SPATA7: variants seen among roughly 807,000 people sequenced by gnomAD.
SPATA7 encodes the protein spermatogenesis associated 7.
SPATA7 carries 43 observed loss-of-function variants against 51.8 expected under a neutral mutation model. The observed-to-expected ratio is 0.83, with a 90% CI of 0.65 to 1.07. SPATA7 has a LOEUF of 1.07. Among genes scored for constraint, SPATA7 ranks in the 50% least tolerant of loss-of-function variants. The pLI is 0.00. For missense variants in SPATA7, 683 were observed against 701.3 expected (o/e 0.97, Z 0.30); for synonymous variants, 230 against 252.8 (o/e 0.91, Z 0.86).
chr14:88,388,302 CT>C (rs976847003), intron 1 of SPATA7, among the ~76,000 whole-genome samples: 95 of 152,328 alleles, frequency 6.2e-4, no homozygotes, highest in African/African-American at 2.1e-3. Flanking sequence ...ACAAGAAACA[CT>C]TTCATCTTTC....
rs1432448296 is a variant in SPATA7 at position 88,452,335 on chromosome 14, A to T, written c.178-2725A>T. Among the ~76,000 whole-genome samples the T allele has an allele frequency of 2.0e-5, 3 of 152,258 alleles. No homozygotes were observed. The East Asian group carries it at 5.8e-4, about 29-fold the overall frequency. On this transcript the variant is annotated intron_variant, in intron 3 of 3. Transcript: ENST00000554802. Reference sequence around the variant, plus strand: ...CTCAAGTGGAGGTAGCAGGAGAGTGAAGTGGACCCTGTGAGGGTCCTTGGT... The same window carrying T: ...CTCAAGTGGAGGTAGCAGGAGAGTGTAGTGGACCCTGTGAGGGTCCTTGGT...
In SPATA7 at chr14:88,438,000, A is replaced by G. The variant is rs1300056117; in HGVS notation, c.1378A>G (p.Ile460Val). Residue 460 changes from isoleucine to valine, a missense_variant, in exon 12 of 12, where the codon ATT (isoleucine) becomes GTT (valine). By Grantham distance (29) the Ile-to-Val change is conservative. Transcript: ENST00000393545. Reference protein sequence around the residue: ...NELKNESEVTIQQERQQYQKA... With the variant: ...NELKNESEVTVQQERQQYQKA... The stretch of plus-strand genomic sequence containing the variant: ...ATTAAAAAATGAAAGTGAAGTAACA[A>G]TTCAGCAGGAACGTCAACAATACCA... 1 of 1,614,112 alleles carries G rather than the reference A, an allele frequency of 6.2e-7. No individual in the cohort carries two copies. The highest frequency in any genetic ancestry group is 1.7e-5 in the Admixed American group (1 of 59,988).
rs368739644 is a variant in SPATA7 at position 88,469,103 on chromosome 14, G to A, written c.255-744G>A. ...TGTGGAAAATCAATGAAATAGAAAA[G>A]TACTCAAGGATCAAGGCGTATCACA... On this transcript the variant is annotated intron_variant, in intron 4 of 4. Coordinates refer to the SPATA7 transcript ENST00000556406. This position sits in a 1 kb window ranked among gnomAD's most constrained non-coding sequence, Gnocchi z 4.3. 1.4e-5 allele frequency: 22 copies of A among 1,597,528 alleles called. No homozygotes were observed. In the African/African-American group the frequency reaches 2.4e-4, roughly 18 times the overall value.
At chr14:88,461,141 G>A (rs1444085283) in intron 4 of SPATA7, among the ~76,000 whole-genome samples, 1 of 152,230 alleles carries the variant, frequency 6.6e-6, no homozygotes, top group East Asian at 1.9e-4. Flanking sequence ...CTCCCAGTTA[G>A]GCTACTCGGG....
intron 4 of SPATA7, among the ~76,000 whole-genome samples, chr14:88,461,356 C>A (rs918111887): frequency 2.6e-5 from 4 of 152,222 alleles, no homozygotes; most frequent in African/African-American, 9.6e-5. Context: ...GTGGGCTCCA[C>A]CCAGTTCGAG....
chr14:88,429,128 T>C, intron 7 of SPATA7: 1 of 328,414 alleles, frequency 3.0e-6, no homozygotes, highest in South Asian at 4.5e-5. Context: ...GTCATTTAAA[T>C]GCCACTCATT....
At position 88,388,718 on chromosome 14, in the gene SPATA7, C is replaced by A. The variant is rs2075651904; in HGVS notation, c.20-2663C>A. On this transcript the variant is annotated intron_variant, in intron 1 of 11. Coordinates refer to ENST00000393545, the MANE Select transcript of SPATA7 (RefSeq NM_018418.5). Reference sequence around the variant, plus strand: ...ATCAGCCTGGGTAACATAGCAAGACCCTGTCTCTAGTATATAAAACAAATT... The same window carrying A: ...ATCAGCCTGGGTAACATAGCAAGACACTGTCTCTAGTATATAAAACAAATT... Among the ~76,000 whole-genome samples, 4 of 152,016 alleles carry A rather than the reference C, an allele frequency of 2.6e-5. 1 individual carries two copies. In the South Asian group the frequency reaches 8.3e-4, roughly 32 times the overall value.
At chr14:88,405,825 G>A (rs890174708) in intron 4 of SPATA7, among the ~76,000 whole-genome samples, 7 of 152,208 alleles carry the variant, frequency 4.6e-5, no homozygotes, top group African/African-American at 1.7e-4. Context: ...TCAGGATAGA[G>A]CTAAAAATGT....
intron 4 of SPATA7, chr14:88,416,396 T>C (rs1475296976): frequency 4.3e-6 from 1 of 230,706 alleles, no homozygotes; most frequent in Non-Finnish European, 8.3e-6. Flanking sequence ...GTTTGTCATA[T>C]CTTGTTGGCA....
intron 8 of SPATA7, 114 bp from the exon 9 acceptor site, chr14:88,431,058 G>T: frequency 1.0e-6 from 1 of 981,230 alleles, no homozygotes; most frequent in Non-Finnish European, 1.6e-6. Flanking sequence ...AACACTTCTG[G>T]TTCCAAACAT....
intron 4 of SPATA7, among the ~76,000 whole-genome samples, chr14:88,411,310 A>G (rs919342438): frequency 6.6e-6 from 1 of 152,154 alleles, no homozygotes; most frequent in Non-Finnish European, 1.5e-5. Context: ...GCTGGGTTCT[A>G]TGGGGTGGAA....
At chr14:88,426,851 A>G in intron 6 of SPATA7, 147 bp downstream of exon 6, 1 of 780,102 alleles carries the variant, frequency 1.3e-6, no homozygotes. Flanking sequence ...TTCCTTTTCC[A>G]TGTATCACTA....
At chr14:88,460,528 C>T (rs562974763) in intron 4 of SPATA7, among the ~76,000 whole-genome samples, 11 of 152,278 alleles carry the variant, frequency 7.2e-5, no homozygotes, top group Admixed American at 3.9e-4. Context: ...GCATTCATCA[C>T]GTAGTTCTCT....
At chr14:88,410,751 C>T (rs2076319648) in intron 4 of SPATA7, 1 of 159,784 alleles carries the variant, frequency 6.3e-6, no homozygotes, top group Admixed American at 6.5e-5. Context: ...AGATTGCTGC[C>T]TGTTTTTCCT....
downstream of SPATA7, among the ~76,000 whole-genome samples, chr14:88,442,629 G>A (rs2077185304): frequency 6.6e-6 from 1 of 152,102 alleles, no homozygotes; most frequent in Non-Finnish European, 1.5e-5. Flanking sequence ...CTGCAGCCCT[G>A]GTATGAAACC....
In SPATA7 at chr14:88,444,562, G is replaced by A. The variant is rs1299689930; in HGVS notation, c.177+6659G>A. Among the ~76,000 whole-genome samples the A allele has an allele frequency of 2.5e-3, 374 of 151,910 alleles. 1 individual carries two copies. The highest frequency in any genetic ancestry group is 5.4e-3 in the Admixed American group (82 of 15,268). ...TTTTAGACATGAAGTCCTTGCCCATGCCTATGTCCTGAATGGTAATGCCTA... is the reference window on the plus strand; with the variant it reads ...TTTTAGACATGAAGTCCTTGCCCATACCTATGTCCTGAATGGTAATGCCTA... On this transcript the variant is annotated intron_variant, in intron 3 of 3. Transcript: ENST00000554802.
At chr14:88,461,510 G>T (rs937600635) in intron 4 of SPATA7, among the ~76,000 whole-genome samples, 8 of 152,218 alleles carry the variant, frequency 5.3e-5, no homozygotes, top group African/African-American at 9.6e-5. Flanking sequence ...CTCCGAGCCA[G>T]GTGTGGGATA....
At chr14:88,386,291 G>A (rs1029825075) in intron 1 of SPATA7, among the ~76,000 whole-genome samples, 16 of 152,108 alleles carry the variant, frequency 1.1e-4, no homozygotes, top group Non-Finnish European at 2.1e-4. Context: ...ATAATATAGA[G>A]AAGATCCTGG....
chr14:88,438,436 A>G lies in SPATA7; in HGVS notation c.*14A>G. The G allele has an allele frequency of 6.4e-7, 1 of 1,559,184 alleles. No homozygotes were observed. Among genetic ancestry groups the G allele is most frequent in the Non-Finnish European group, 8.8e-7 (1 of 1,130,820 alleles). On this transcript the variant is annotated 3_prime_UTR_variant, in exon 12 of 12. Coordinates refer to ENST00000393545, the MANE Select transcript of SPATA7 (RefSeq NM_018418.5). The stretch of plus-strand genomic sequence containing the variant: ...TTGGATGTTTAATCTTCATTAATAA[A>G]TACCTCAAATGGCCAGTAACTCAAT...
Sources: allele counts gnomAD v4.1 joint callset (sites outside exome capture counted in the v4.1 genomes callset), GRCh38; gene constraint gnomAD v4.1.1; non-coding constraint Gnocchi (gnomAD v3.1); transcripts MANE v1.5; gene names NCBI Gene and HGNC (gene_info 2026-07-23, HGNC 2026-07-21).